Variants in CSNK1G1 observed in about 807,000 individuals in gnomAD.
CSNK1G1 encodes the protein casein kinase I isoform gamma-1.
Under a neutral mutation model 59.6 loss-of-function variants are expected in CSNK1G1, and 22 were observed. The ratio of observed to expected loss-of-function variants is 0.37; its 90% CI spans 0.26 to 0.53. CSNK1G1 has a LOEUF of 0.53. Ranked by LOEUF, CSNK1G1 falls within the 20% of genes least tolerant of loss-of-function variation. CSNK1G1 has a pLI of 0.89. For synonymous variants in CSNK1G1, 179 were observed against 177.1 expected, an observed-to-expected ratio of 1.01 and a Z score of -0.08; for missense variants, 384 against 519.5, an observed-to-expected ratio of 0.74 and a Z score of 2.54.
At chr15:64,189,815 C>CTTTTT (rs970702567) in intron 10 of CSNK1G1, among the ~76,000 whole-genome samples, 4 of 127,318 alleles carry the variant, frequency 3.1e-5, no homozygotes, top group Non-Finnish European at 6.6e-5. Flanking sequence ...CTACAATTTA[C>CTTTTT]TTTTTTTTTT....
At chr15:64,303,898 T>G (rs1596248982) in intron 1 of CSNK1G1, among the ~76,000 whole-genome samples, 2 of 123,316 alleles carry the variant, frequency 1.6e-5, no homozygotes, top group African/African-American at 3.2e-5. Context: ...CCAGTATGGG[T>G]GAGAGCAAGG....
At chr15:64,291,965 G>A (rs1278431533) in intron 2 of CSNK1G1, among the ~76,000 whole-genome samples, 1 of 152,132 alleles carries the variant, frequency 6.6e-6, no homozygotes, top group Non-Finnish European at 1.5e-5. Flanking sequence ...TTGGGAGGCC[G>A]AGGCAGGTGG....
At position 64,298,436 on chromosome 15, in the gene CSNK1G1, T is replaced by C. The variant is rs187466698; in HGVS notation, c.181+1883A>G. On this transcript the variant is annotated intron_variant, in intron 2 of 11. Coordinates refer to ENST00000303052, the MANE Select transcript of CSNK1G1 (RefSeq NM_022048.5). ...ACATAAAGAAATATTCACAGAACTA[T>C]TCGTTAAAGCAACTCTGTGATTGCT... Among the ~76,000 whole-genome samples, 35 of 152,334 alleles carry C rather than the reference T, an allele frequency of 2.3e-4. 2 individuals are homozygous for C. In the East Asian group the frequency reaches 5.6e-3, roughly 24 times the overall value.
chr15:64,188,395 G>A lies in CSNK1G1; in HGVS notation c.1108-7941C>T, dbSNP rs886270967. On this transcript the variant is annotated intron_variant, in intron 10 of 11. Transcript: ENST00000303052. The surrounding 1 kb of genome is among the most constrained non-coding windows in gnomAD (Gnocchi z 4.2). ...AATACCTGCACTGATCCCCCATGGCGGTCTGCAGCCAAGTGAGACGTTAGG... is the reference window on the plus strand; with the variant it reads ...AATACCTGCACTGATCCCCCATGGCAGTCTGCAGCCAAGTGAGACGTTAGG... 3 of 1,535,908 alleles carry A rather than the reference G, an allele frequency of 2.0e-6. No homozygotes were observed. The highest frequency in any genetic ancestry group is 1.4e-5 in the African/African-American group (1 of 73,022).
intron 4 of CSNK1G1, among the ~76,000 whole-genome samples, chr15:64,247,510 A>C (rs1201613676): frequency 1.3e-5 from 2 of 152,222 alleles, no homozygotes. Flanking sequence ...GTAAAACTGT[A>C]ATCAAGAAAC....
At chr15:64,232,127 A>C (rs1001676064) in intron 4 of CSNK1G1, among the ~76,000 whole-genome samples, 2 of 152,228 alleles carry the variant, frequency 1.3e-5, no homozygotes. Context: ...ATGCAGAAAA[A>C]TGTTAAAAGT....
chr15:64,190,584 T>C (rs1024796845), intron 10 of CSNK1G1, among the ~76,000 whole-genome samples: 8 of 152,110 alleles, frequency 5.3e-5, no homozygotes, highest in Admixed American at 5.2e-4. Flanking sequence ...CTGGCTAATT[T>C]TGTATTTTTG....
At chr15:64,282,179 T>C (rs570815020) in intron 2 of CSNK1G1, among the ~76,000 whole-genome samples, 32 of 152,316 alleles carry the variant, frequency 2.1e-4, no homozygotes, top group Non-Finnish European at 3.7e-4. Flanking sequence ...TCCTCCTGCC[T>C]TGGCCTCCCA....
At chr15:64,182,220 C>CA (rs2140212795) in intron 10 of CSNK1G1, among the ~76,000 whole-genome samples, 1 of 151,990 alleles carries the variant, frequency 6.6e-6, no homozygotes, top group Admixed American at 6.6e-5. Flanking sequence ...TGTGCCACCA[C>CA]ACCTGGCTGT....
At chr15:64,320,799 T>G (rs59087941) in intron 1 of CSNK1G1, among the ~76,000 whole-genome samples, 2,319 of 152,192 alleles carry the variant, frequency 0.015, 53 homozygotes, top group African/African-American at 0.046. Flanking sequence ...CCAGTTTTTA[T>G]ATGTTCGCAA....
In CSNK1G1 at chr15:64,171,160, T is replaced by C. The variant is rs1439622686; in HGVS notation, c.*771A>G. ...TGCATCTGCCATGTTTTTGTTTTTGTTTTTTTTAAAAAAACTAAAAGTGCA... is the reference window on the plus strand; with the variant it reads ...TGCATCTGCCATGTTTTTGTTTTTGCTTTTTTTAAAAAAACTAAAAGTGCA... On this transcript the variant is annotated 3_prime_UTR_variant, in exon 12 of 12. Transcript: ENST00000303052. This position sits in a 1 kb window ranked among gnomAD's most constrained non-coding sequence, Gnocchi z 4.8. 1.3e-5 allele frequency: 2 copies of C among 151,298 alleles called. No individual in the cohort carries two copies. Among genetic ancestry groups the C allele is most frequent in the Non-Finnish European group, 2.9e-5 (2 of 67,960 alleles). The allele number at this position is 151,298 out of a possible 1,614,324, so 9.4% of individuals were successfully genotyped here.
chr15:64,331,403 C>G (rs1406637378), intron 1 of CSNK1G1, among the ~76,000 whole-genome samples: 2 of 97,160 alleles, frequency 2.1e-5, no homozygotes, highest in Admixed American at 1.2e-4. Flanking sequence ...CTTTGACAAA[C>G]CTGAGAAAAA....
At chr15:64,218,258 C>A (rs1238874083) in intron 4 of CSNK1G1, among the ~76,000 whole-genome samples, 1 of 151,936 alleles carries the variant, frequency 6.6e-6, no homozygotes, top group Non-Finnish European at 1.5e-5. Flanking sequence ...GCCCCATTCC[C>A]TTTTTATTTC....
chr15:64,335,689 T>C (rs966227721), intron 1 of CSNK1G1: 2 of 152,218 alleles, frequency 1.3e-5, no homozygotes, highest in Non-Finnish European at 2.9e-5. Flanking sequence ...AGCTTAGTAG[T>C]AAAGAATCAT....
At chr15:64,173,198 C>G (rs2081696718) in intron 11 of CSNK1G1, among the ~76,000 whole-genome samples, 1 of 152,216 alleles carries the variant, frequency 6.6e-6, no homozygotes, top group African/African-American at 2.4e-5. Flanking sequence ...TCCCATACCC[C>G]TAGGTATTCC....
At chr15:64,329,279 A>G (rs368598249) in intron 1 of CSNK1G1, among the ~76,000 whole-genome samples, 3 of 151,746 alleles carry the variant, frequency 2.0e-5, no homozygotes, top group African/African-American at 4.8e-5. Flanking sequence ...TGGAAGTAAA[A>G]CTCTCCTCAG....
intron 3 of CSNK1G1, 38 bp downstream of exon 3, chr15:64,259,163 C>A: frequency 6.6e-7 from 1 of 1,519,676 alleles, no homozygotes; most frequent in Non-Finnish European, 9.0e-7. Flanking sequence ...GCAATGGGAG[C>A]ACCAAAACAT....
At position 64,212,660 on chromosome 15, in the gene CSNK1G1, G is replaced by C. The variant is rs564995234; in HGVS notation, c.679+1230C>G. 2.0e-5 allele frequency among the ~76,000 whole-genome samples: 3 copies of C among 152,290 alleles called. No individual in the cohort carries two copies. The South Asian group carries it at 6.2e-4, about 32-fold the overall frequency. On this transcript the variant is annotated intron_variant, in intron 6 of 11. Coordinates refer to ENST00000303052, the MANE Select transcript of CSNK1G1 (RefSeq NM_022048.5). ...GGTGACTGAGGTTATAGTGAGCTAT[G>C]ATCACACTGCTGCACTCCAGCCTGA...
chr15:64,173,227 T>C (rs1451535762), intron 11 of CSNK1G1, among the ~76,000 whole-genome samples: 1 of 152,238 alleles, frequency 6.6e-6, no homozygotes, highest in Non-Finnish European at 1.5e-5. Context: ...CAAGATTCCC[T>C]CTCTTTTTAG....
Sources: allele counts gnomAD v4.1 joint callset (sites outside exome capture counted in the v4.1 genomes callset), GRCh38; gene constraint gnomAD v4.1.1; non-coding constraint Gnocchi (gnomAD v3.1); transcripts MANE v1.5; gene names NCBI Gene and HGNC (gene_info 2026-07-23, HGNC 2026-07-21).